SLC10A6: variants seen among roughly 807,000 people sequenced by gnomAD.
The protein encoded by SLC10A6 is solute carrier family 10 member 6.
In SLC10A6, 27 loss-of-function variants were observed where a neutral mutation model predicts 30.0. The ratio of observed to expected loss-of-function variants is 0.90; its 90% CI spans 0.66 to 1.24. The LOEUF is 1.24. Among genes scored for constraint, SLC10A6 ranks in the 50% most tolerant of loss-of-function variants. The probability of loss-of-function intolerance (pLI) is 0.00; values close to 1 mark genes in which losing one functional copy is unlikely to be tolerated. For missense variants in SLC10A6, 439 were observed against 457.0 expected, an observed-to-expected ratio of 0.96 and a Z score of 0.36; for synonymous variants, 166 against 173.8, an observed-to-expected ratio of 0.95 and a Z score of 0.36.
chr4:86,838,950 A>G (rs6531935), intron 1 of SLC10A6, among the ~76,000 whole-genome samples: 79,066 of 147,434 alleles, frequency 0.54, 23,643 homozygotes, highest in African/African-American at 0.82. Context: ...TGCTCTTCCC[A>G]GACAAAAGCA....
intron 1 of SLC10A6, among the ~76,000 whole-genome samples, chr4:86,837,917 G>A (rs947927099): frequency 1.3e-5 from 2 of 152,170 alleles, no homozygotes; most frequent in Admixed American, 6.5e-5. Context: ...CCCTTCATAC[G>A]TCAAGGTCTT....
chr4:86,845,599 G>A (rs963507651), intron 1 of SLC10A6, among the ~76,000 whole-genome samples: 7 of 152,198 alleles, frequency 4.6e-5, no homozygotes, highest in African/African-American at 1.4e-4. Flanking sequence ...CTGCAAAGCC[G>A]TAATGGAGAG....
At position 86,849,319 on chromosome 4, in the gene SLC10A6, C is replaced by T. The variant is rs1746445677; in HGVS notation, c.-204G>A. 6.7e-6 allele frequency: 4 copies of T among 597,820 alleles called. No individual in the cohort carries two copies. Among genetic ancestry groups the T allele is most frequent in the Admixed American group, 6.3e-5 (2 of 31,788 alleles). 37.0% of individuals were successfully genotyped at this position (597,820 alleles called of 1,614,324 possible). A position where few individuals can be genotyped will look rare whatever the true frequency, so the allele number is the denominator to read the frequency against. ...AAAAGTAATTATCACAGGCATGAAA[C>T]ATATAATAAACTGTGGTAAGTAAGG... On this transcript the variant is annotated 5_prime_UTR_variant, in exon 1 of 6. It removes an upstream start codon present in the reference 5' UTR. Coordinates refer to ENST00000273905, the MANE Select transcript of SLC10A6 (RefSeq NM_197965.3).
At chr4:86,833,979 CTG>C (rs779124109) in intron 1 of SLC10A6, among the ~76,000 whole-genome samples, 4 of 152,124 alleles carry the variant, frequency 2.6e-5, no homozygotes, top group Non-Finnish European at 5.9e-5. Flanking sequence ...AGCCTTTTTT[CTG>C]TGTCTAGCTT....
chr4:86,829,025 C>G (rs952089214), intron 3 of SLC10A6, among the ~76,000 whole-genome samples: 2 of 151,880 alleles, frequency 1.3e-5, no homozygotes, highest in African/African-American at 4.8e-5. Flanking sequence ...ACAGAATGAC[C>G]CAATATACCA....
At chr4:86,842,882 T>TTCTTTC (rs1204833862) in intron 1 of SLC10A6, among the ~76,000 whole-genome samples, 6 of 98,732 alleles carry the variant, frequency 6.1e-5, no homozygotes, top group Admixed American at 2.6e-4. Flanking sequence ...TTCTTTTTTT[T>TTCTTTC]TTTGAGATGG....
At chr4:86,830,673 C>A (rs1025322732) in intron 3 of SLC10A6, among the ~76,000 whole-genome samples, 2 of 152,148 alleles carry the variant, frequency 1.3e-5, no homozygotes, top group Admixed American at 1.3e-4. Context: ...TCCATTAGCA[C>A]AGGCATATAG....
chr4:86,839,358 G>A (rs1746253101), intron 1 of SLC10A6, among the ~76,000 whole-genome samples: 1 of 152,038 alleles, frequency 6.6e-6, no homozygotes, highest in African/African-American at 2.4e-5. Flanking sequence ...GGCTGAGGCA[G>A]GAGGATGGCT....
chr4:86,835,010 C>T (rs745362684), intron 1 of SLC10A6, among the ~76,000 whole-genome samples: 3 of 152,136 alleles, frequency 2.0e-5, no homozygotes, highest in Admixed American at 2.0e-4. Context: ...GAGATCCACC[C>T]CATGATCCAA....
intron 1 of SLC10A6, among the ~76,000 whole-genome samples, chr4:86,837,281 A>AAG (rs1273692050): frequency 3.3e-5 from 3 of 90,378 alleles, no homozygotes; most frequent in African/African-American, 5.1e-5. Context: ...GAAAGAAAGA[A>AAG]AGAAAAAGAA....
intron 5 of SLC10A6, 118 bp from the exon 6 acceptor site, chr4:86,824,020 C>A: frequency 1.2e-6 from 1 of 860,402 alleles, no homozygotes; most frequent in Non-Finnish European, 1.8e-6. Flanking sequence ...TATGTATAAA[C>A]ACCCAGGGAA....
intron 4 of SLC10A6, 83 bp downstream of exon 4, chr4:86,827,910 C>T: frequency 7.5e-7 from 1 of 1,336,324 alleles, no homozygotes; most frequent in South Asian, 1.5e-5. Context: ...CTTCATGTCT[C>T]CTGACACAGG....
intron 4 of SLC10A6, among the ~76,000 whole-genome samples, chr4:86,827,707 G>T (rs978998485): frequency 1.3e-5 from 2 of 151,962 alleles, no homozygotes; most frequent in Admixed American, 1.3e-4. Context: ...AATTCTTTTT[G>T]CTTTCTTCTA....
chr4:86,824,583 T>C (rs1389009870), intron 5 of SLC10A6, among the ~76,000 whole-genome samples: 1 of 152,134 alleles, frequency 6.6e-6, no homozygotes, highest in African/African-American at 2.4e-5. Context: ...TATATTTTTT[T>C]TTTTCTTTTT....
chr4:86,842,809 TC>T (rs1560461789), intron 1 of SLC10A6, among the ~76,000 whole-genome samples: 954 of 15,004 alleles, frequency 0.064, 90 homozygotes, highest in African/African-American at 0.33. Flanking sequence ...TTTCTTTCTT[TC>T]TTTCTTTCTT....
chr4:86,845,877 G>A (rs1053976143), intron 1 of SLC10A6, among the ~76,000 whole-genome samples: 1 of 152,134 alleles, frequency 6.6e-6, no homozygotes, highest in African/African-American at 2.4e-5. Context: ...TTTGCAGAAC[G>A]CACAAACCGG....
intron 3 of SLC10A6, among the ~76,000 whole-genome samples, chr4:86,831,271 C>T (rs1746077136): frequency 6.6e-6 from 1 of 152,234 alleles, no homozygotes; most frequent in Non-Finnish European, 1.5e-5. Flanking sequence ...CTCCTCAGTG[C>T]TTCCTGGATG....
Position 86,848,720 on chromosome 4 carries a change from C to T in SLC10A6, c.377+19G>A. ...GCAGGATAAGAGACAGACTGCTGAG[C>T]TTCCCTGGGGTTACTTACCTGAGAT... On this transcript the variant is annotated intron_variant, in intron 1 of 5. Transcript: ENST00000273905. 1 of 1,548,912 alleles carries T rather than the reference C, an allele frequency of 6.5e-7. No individual in the cohort carries two copies. Among genetic ancestry groups the T allele is most frequent in the Non-Finnish European group, 8.7e-7 (1 of 1,149,416 alleles).
intron 1 of SLC10A6, among the ~76,000 whole-genome samples, chr4:86,834,297 G>A (rs1372335881): frequency 6.6e-6 from 1 of 152,152 alleles, no homozygotes; most frequent in African/African-American, 2.4e-5. Flanking sequence ...GCCCTCACCA[G>A]ATGCAGATGC....
Sources: allele counts gnomAD v4.1 joint callset (sites outside exome capture counted in the v4.1 genomes callset), GRCh38; gene constraint gnomAD v4.1.1; transcripts MANE v1.5; gene names NCBI Gene and HGNC (gene_info 2026-07-23, HGNC 2026-07-21).